The following SLIT3 variants were observed in gnomAD, a reference collection of about 807,000 sequenced individuals.
The protein encoded by SLIT3 is slit guidance ligand 3.
Under a neutral mutation model 184.0 loss-of-function variants are expected in SLIT3, and 68 were observed. The ratio of observed to expected loss-of-function variants is 0.37; its 90% CI spans 0.30 to 0.45. SLIT3 has a LOEUF of 0.45. Among genes scored for constraint, SLIT3 ranks in the 20% least tolerant of loss-of-function variants. The probability of loss-of-function intolerance (pLI) is 1.00; values close to 1 mark genes in which losing one functional copy is unlikely to be tolerated. For missense variants in SLIT3, 1,707 were observed against 2,026.0 expected (o/e 0.84, Z 3.02); for synonymous variants, 831 against 828.6 (o/e 1.00, Z -0.05).
chr5:169,218,524 T>A (rs922632692), intron 3 of SLIT3, among the ~76,000 whole-genome samples: 1 of 152,222 alleles, frequency 6.6e-6, no homozygotes, highest in Non-Finnish European at 1.5e-5. Flanking sequence ...TCCAGGTGAC[T>A]GGCGGGAACA....
chr5:169,066,163 T>G (rs1295663949), intron 4 of SLIT3, among the ~76,000 whole-genome samples: 1 of 152,220 alleles, frequency 6.6e-6, no homozygotes, highest in Non-Finnish European at 1.5e-5. Context: ...TTGAGCAGTC[T>G]GGAATTTGTT....
intron 4 of SLIT3, among the ~76,000 whole-genome samples, chr5:169,149,458 CTT>C (rs1762042584): frequency 6.6e-6 from 1 of 151,060 alleles, no homozygotes. Context: ...CAATGATTGA[CTT>C]TTGACTTTTC....
intron 4 of SLIT3, among the ~76,000 whole-genome samples, chr5:168,937,535 T>C (rs1361221250): frequency 6.6e-6 from 1 of 151,896 alleles, no homozygotes; most frequent in Non-Finnish European, 1.5e-5. Context: ...ACTAGGCAGA[T>C]CAGATAAGGG....
At chr5:169,285,798 C>A (rs975450416) in intron 1 of SLIT3, among the ~76,000 whole-genome samples, 3 of 152,160 alleles carry the variant, frequency 2.0e-5, no homozygotes, top group African/African-American at 7.2e-5. Context: ...AGCCTAGGTG[C>A]CAGACATGTG....
rs188646264 is a variant in SLIT3 at position 168,963,758 on chromosome 5, G to C, written c.414-80422C>G. Among the ~76,000 whole-genome samples, 13 of 152,312 alleles carry C rather than the reference G, an allele frequency of 8.5e-5. No individual in the cohort carries two copies. The East Asian group carries it at 2.5e-3, about 29-fold the overall frequency. Reference sequence around the variant, plus strand: ...TGCAAATGCCAGGTTGGAACTTGTCGAATCAATGACCAAGAGGCTGACCTT... The same window carrying C: ...TGCAAATGCCAGGTTGGAACTTGTCCAATCAATGACCAAGAGGCTGACCTT... On this transcript the variant is annotated intron_variant, in intron 4 of 35. Coordinates refer to ENST00000519560, the MANE Select transcript of SLIT3 (RefSeq NM_003062.4).
At chr5:168,755,389 A>ATTTCTTTCTTTCTTTCTTTCC (rs1754861371) in intron 16 of SLIT3, among the ~76,000 whole-genome samples, 1 of 133,640 alleles carries the variant, frequency 7.5e-6, no homozygotes, top group Non-Finnish European at 1.7e-5. Flanking sequence ...CAGTGCCGCC[A>ATTTCTTTCTTTCTTTCTTTCC]TTTCTTTCTT....
chr5:168,936,522 C>T (rs1239320787), intron 4 of SLIT3, among the ~76,000 whole-genome samples: 5 of 152,140 alleles, frequency 3.3e-5, no homozygotes, highest in African/African-American at 4.8e-5. Flanking sequence ...CGTGAGCCAC[C>T]GCGCCTGGTA....
At chr5:169,094,078 C>A (rs574455165) in intron 4 of SLIT3, among the ~76,000 whole-genome samples, 1 of 152,244 alleles carries the variant, frequency 6.6e-6, no homozygotes, top group East Asian at 1.9e-4. Context: ...GATGATGGAA[C>A]TGAAAATAGA....
At chr5:168,947,398 G>C (rs1357226389) in intron 4 of SLIT3, among the ~76,000 whole-genome samples, 1 of 152,158 alleles carries the variant, frequency 6.6e-6, no homozygotes, top group African/African-American at 2.4e-5. Context: ...CTGCCGCCCT[G>C]GTGCCTGGAC....
chr5:169,270,085 C>T (rs575998800), intron 1 of SLIT3, among the ~76,000 whole-genome samples: 7 of 152,272 alleles, frequency 4.6e-5, no homozygotes, highest in East Asian at 1.9e-4. Context: ...GGGAGGCTCC[C>T]GCCCTCTCCT....
chr5:168,911,029 A>C (rs1761235128), intron 4 of SLIT3, among the ~76,000 whole-genome samples: 1 of 152,070 alleles, frequency 6.6e-6, no homozygotes, highest in Non-Finnish European at 1.5e-5. Flanking sequence ...CAGGTACGAA[A>C]CCAAAAGCAG....
At chr5:169,281,077 C>A (rs1459484797) in intron 1 of SLIT3, among the ~76,000 whole-genome samples, 1 of 152,188 alleles carries the variant, frequency 6.6e-6, no homozygotes, top group Non-Finnish European at 1.5e-5. Context: ...ACCCCATCTA[C>A]ATAAAAGCCA....
intron 1 of SLIT3, among the ~76,000 whole-genome samples, chr5:169,265,299 A>T (rs1004828222): frequency 6.6e-6 from 1 of 152,236 alleles, no homozygotes; most frequent in Non-Finnish European, 1.5e-5. Context: ...ATTTTCACAT[A>T]TGCAAATTAA....
chr5:169,234,254 G>A (rs555562381), intron 3 of SLIT3, among the ~76,000 whole-genome samples: 14 of 152,228 alleles, frequency 9.2e-5, no homozygotes, highest in African/African-American at 3.4e-4. Context: ...AAGAGTACAA[G>A]TATGGAGGGT....
intron 14 of SLIT3, among the ~76,000 whole-genome samples, chr5:168,764,800 A>G (rs911955596): frequency 2.0e-4 from 31 of 152,084 alleles, no homozygotes; most frequent in Non-Finnish European, 4.6e-4. Context: ...GTATCCCCAC[A>G]GTTATTCGAG....
At chr5:168,714,561 C>T (rs905017854) in intron 23 of SLIT3, among the ~76,000 whole-genome samples, 5 of 152,036 alleles carry the variant, frequency 3.3e-5, no homozygotes, top group African/African-American at 7.2e-5. Flanking sequence ...CCAGCCTGGG[C>T]GACAAGAGTG....
chr5:169,150,777 T>C (rs1333138919), intron 4 of SLIT3, among the ~76,000 whole-genome samples: 1 of 152,176 alleles, frequency 6.6e-6, no homozygotes, highest in Non-Finnish European at 1.5e-5. Flanking sequence ...TCTTATCTAC[T>C]GGTCTCCAAA....
At chr5:168,680,775 CT>C (rs1761564764) in intron 32 of SLIT3, among the ~76,000 whole-genome samples, 1 of 152,200 alleles carries the variant, frequency 6.6e-6, no homozygotes, top group Non-Finnish European at 1.5e-5. Context: ...TTCCTCGCTG[CT>C]CAGCCTGAGA....
chr5:168,667,119 G>C (rs939055298), intron 35 of SLIT3, among the ~76,000 whole-genome samples: 12 of 152,106 alleles, frequency 7.9e-5, no homozygotes, highest in Non-Finnish European at 2.9e-5. Flanking sequence ...TGCCTTCCTT[G>C]AAAACAAGGA....
Sources: allele counts gnomAD v4.1 joint callset (sites outside exome capture counted in the v4.1 genomes callset), GRCh38; gene constraint gnomAD v4.1.1; transcripts MANE v1.5; gene names NCBI Gene and HGNC (gene_info 2026-07-23, HGNC 2026-07-21).